Variants in LRP8 observed in about 807,000 individuals in gnomAD.
The protein encoded by LRP8 is LDL receptor related protein 8.
A neutral mutation model predicts 111.6 loss-of-function variants in LRP8; 46 were observed. That is an observed-to-expected ratio of 0.41 (90% confidence interval 0.33 to 0.53). The LOEUF (loss-of-function observed/expected upper bound fraction) is 0.53. Among genes scored for constraint, LRP8 ranks in the 20% least tolerant of loss-of-function variants. The pLI is 0.20. For synonymous variants in LRP8, 464 were observed against 511.2 expected (o/e 0.91, Z 1.24); for missense variants, 959 against 1,297.4 (o/e 0.74, Z 4.01).
intron 2 of LRP8, among the ~76,000 whole-genome samples, chr1:53,301,660 G>A (rs914452717): frequency 2.6e-5 from 4 of 151,974 alleles, no homozygotes; most frequent in Non-Finnish European, 5.9e-5. Context: ...GAGCCCGGGA[G>A]GTTGAGGCTG....
intron 2 of LRP8, among the ~76,000 whole-genome samples, chr1:53,296,785 C>T (rs116811304): frequency 3.9e-5 from 6 of 152,200 alleles, no homozygotes; most frequent in African/African-American, 1.4e-4. Flanking sequence ...CACCCGGGGG[C>T]CCTGGCCTGA....
intron 2 of LRP8, among the ~76,000 whole-genome samples, chr1:53,319,407 A>C (rs147148649): frequency 8.9e-4 from 136 of 152,264 alleles, no homozygotes; most frequent in African/African-American, 3.1e-3. Context: ...AGGCGTGTAG[A>C]GGCCATGAGG....
At chr1:53,299,006 A>G (rs920422304) in intron 2 of LRP8, among the ~76,000 whole-genome samples, 5 of 152,188 alleles carry the variant, frequency 3.3e-5, no homozygotes, top group Admixed American at 3.3e-4. Flanking sequence ...TGTAAGTGGG[A>G]AGCTCAGGGC....
chr1:53,271,544 C>T (rs1395535505), intron 6 of LRP8, among the ~76,000 whole-genome samples, 198 bp from the exon 7 acceptor site: 1 of 152,008 alleles, frequency 6.6e-6, no homozygotes, highest in South Asian at 2.1e-4. Flanking sequence ...GGGCAGGTTC[C>T]TACTCCAGGC....
At chr1:53,327,630 C>T (rs1253059969) in intron 1 of LRP8, among the ~76,000 whole-genome samples, 159 bp downstream of exon 1, 1 of 152,130 alleles carries the variant, frequency 6.6e-6, no homozygotes. Context: ...GGCGGGGGGC[C>T]GAGGGCAAAT....
At position 53,279,046 on chromosome 1, in the gene LRP8, A is replaced by C. The variant is rs1476362330; in HGVS notation, c.496+1541T>G. ...AGTGCTGGGATTACAGGCATGAGCC[A>C]CCGCGCCCCGCCTTAATTTTTAATT... is the stretch of plus-strand genomic sequence containing the variant. On this transcript the variant is annotated intron_variant, in intron 4 of 18. Transcript: ENST00000306052. The surrounding 1 kb of genome is among the most constrained non-coding windows in gnomAD (Gnocchi z 4.4). Among the ~76,000 whole-genome samples, 2 of 151,598 alleles carry C rather than the reference A, an allele frequency of 1.3e-5. No individual in the cohort carries two copies. Among genetic ancestry groups the C allele is most frequent in the African/African-American group, 4.9e-5 (2 of 41,186 alleles).
intron 16 of LRP8, among the ~76,000 whole-genome samples, chr1:53,251,941 C>T (rs1239810392): frequency 6.6e-6 from 1 of 150,722 alleles, no homozygotes; most frequent in East Asian, 2.0e-4. Flanking sequence ...ACTCAGAAGG[C>T]TGAGGTGGGA....
At chr1:53,290,501 T>C (rs1237569479) in intron 2 of LRP8, among the ~76,000 whole-genome samples, 1 of 151,960 alleles carries the variant, frequency 6.6e-6, no homozygotes, top group East Asian at 1.9e-4. Context: ...GTTTTCAGGG[T>C]TTGAGTCTTA....
At position 53,257,347 on chromosome 1, in the gene LRP8, T is replaced by C; in HGVS notation, c.2327A>G (p.Glu776Gly). 1.2e-6 allele frequency: 2 copies of C among 1,614,152 alleles called. No individual in the cohort carries two copies. The highest frequency in any genetic ancestry group is 1.7e-6 in the Non-Finnish European group (2 of 1,180,014). ...HRSTYQNHST[E>G]TPSLTAAVPS... The stretch of plus-strand genomic sequence containing the variant: ...GACTGCAGCTGTCAGGCTTGGTGTC[T>C]CTGTGCTGTGGTTCTGGTAGGTGGA... Residue 776 changes from glutamate (E) to glycine (G), a missense_variant, in exon 15 of 19, where the codon GAG becomes GGG. Physicochemically the swap from Glu to Gly is moderately conservative, Grantham distance 98. This residue lies in a region of LRP8 where 819 missense variants were observed against 1,097.6 expected (regional missense o/e 0.75). Coordinates refer to ENST00000306052, the MANE Select transcript of LRP8 (RefSeq NM_004631.5).
At chr1:53,278,138 G>T (rs1038572892) in intron 4 of LRP8, among the ~76,000 whole-genome samples, 2 of 152,228 alleles carry the variant, frequency 1.3e-5, no homozygotes, top group African/African-American at 4.8e-5. Context: ...CTTGCCCAGG[G>T]TCACACAGTC....
intron 2 of LRP8, among the ~76,000 whole-genome samples, chr1:53,326,304 G>T (rs560222199): frequency 6.6e-6 from 1 of 152,294 alleles, no homozygotes; most frequent in East Asian, 1.9e-4. Flanking sequence ...GGGCAGGGCG[G>T]TGCCCCCGCG....
chr1:53,308,674 G>T (rs1652448156), intron 2 of LRP8, among the ~76,000 whole-genome samples: 1 of 152,204 alleles, frequency 6.6e-6, no homozygotes, highest in Admixed American at 6.5e-5. Context: ...CATGTGGGAG[G>T]TGAGAGGCCC....
At chr1:53,324,269 G>A (rs933344859) in intron 2 of LRP8, among the ~76,000 whole-genome samples, 2 of 152,330 alleles carry the variant, frequency 1.3e-5, no homozygotes, top group African/African-American at 2.4e-5. Context: ...AAGAAATTCA[G>A]TCTGGGCAGG....
Position 53,327,047 on chromosome 1 carries a change from CATGCA to C in LRP8, c.125-60_125-56del. On this transcript the variant is annotated intron_variant, in intron 1 of 18. Coordinates refer to ENST00000306052, the MANE Select transcript of LRP8 (RefSeq NM_004631.5). ...CAGCGGACTCGGCCCCACTCCCCACCATGCAGTCCGGGCCACCCGGAAGGACCCGC... is the reference window on the plus strand; with the variant it reads ...CAGCGGACTCGGCCCCACTCCCCACCGTCCGGGCCACCCGGAAGGACCCGC... 1.9e-6 allele frequency: 3 copies of C among 1,596,232 alleles called. No individual in the cohort carries two copies. In the Admixed American group the frequency reaches 5.1e-5, roughly 27 times the overall value.
chr1:53,264,932 C>T (rs1646495536), intron 9 of LRP8, among the ~76,000 whole-genome samples: 1 of 152,052 alleles, frequency 6.6e-6, no homozygotes, highest in Admixed American at 6.5e-5. Flanking sequence ...GCTTTGAGTA[C>T]CACGCCAAGG....
At chr1:53,302,298 T>G (rs181671525) in intron 2 of LRP8, among the ~76,000 whole-genome samples, 1 of 152,294 alleles carries the variant, frequency 6.6e-6, no homozygotes, top group Non-Finnish European at 1.5e-5. Context: ...TGAAGCTCTT[T>G]AACCGCCCCA....
intron 2 of LRP8, among the ~76,000 whole-genome samples, chr1:53,319,364 G>T (rs1030680970): frequency 6.6e-6 from 1 of 152,208 alleles, no homozygotes; most frequent in Non-Finnish European, 1.5e-5. Context: ...GCTTTGGGGT[G>T]TCTGTCCTGC....
At chr1:53,284,709 G>C (rs956532046) in intron 3 of LRP8, among the ~76,000 whole-genome samples, 1 of 152,186 alleles carries the variant, frequency 6.6e-6, no homozygotes, top group African/African-American at 2.4e-5. Context: ...TAATTAATAA[G>C]ACATTTGCTG....
intron 2 of LRP8, among the ~76,000 whole-genome samples, chr1:53,290,558 G>A (rs1648530809): frequency 6.6e-6 from 1 of 152,158 alleles, no homozygotes; most frequent in African/African-American, 2.4e-5. Context: ...AGGGGATGTA[G>A]CAGGCTGAGA....
Sources: gnomAD v4.1 joint callset for allele counts (sites outside exome capture counted in the v4.1 genomes callset) on GRCh38, gnomAD v4.1.1 for gene constraint, gnomAD v4.1.1 regional missense constraint, Gnocchi (gnomAD v3.1) non-coding constraint, MANE v1.5 for transcripts, NCBI Gene and HGNC (gene_info 2026-07-23, HGNC 2026-07-21) for gene names.